Variants in INO80 observed in about 807,000 individuals in gnomAD.
INO80 encodes INO80 complex ATPase subunit.
A neutral mutation model predicts 203.4 loss-of-function variants in INO80; 20 were observed. That is an observed-to-expected ratio of 0.10 (90% confidence interval 0.07 to 0.14). The LOEUF is 0.14. Ranked by LOEUF, INO80 falls within the 10% of genes least tolerant of loss-of-function variation. The pLI is 1.00. For missense variants in INO80, 1,419 were observed against 1,914.4 expected (o/e 0.74, Z 4.83); for synonymous variants, 726 against 685.2 (o/e 1.06, Z -0.93).
At chr15:41,072,139 A>G (rs917899498) in intron 11 of INO80, 81 bp from the exon 12 acceptor site, 6 of 899,256 alleles carry the variant, frequency 6.7e-6, no homozygotes, top group East Asian at 5.3e-5. Context: ...AGATAACAAT[A>G]TATCTACCCT....
rs777353016 is a variant in INO80, at chr15:40,983,029, C to T, written c.4286G>A (p.Arg1429Gln). The change falls in exon 35 of 36, where the codon CGA becomes CAA. Residue 1429 changes from arginine (R) to glutamine (Q), a missense_variant. Transcript: ENST00000648947. ...MPAAGRGHSA[R>Q]SRGRPKGSGS... ...TGAACCTTTGGGGCGGCCTCGGCTT[C>T]GGGCTGAGTGACCACGTCCTGCAGC... 1.4e-5 allele frequency: 23 copies of T among 1,613,708 alleles called. No individual in the cohort carries two copies. The highest frequency in any genetic ancestry group is 1.9e-5 in the Non-Finnish European group (22 of 1,180,008).
At chr15:41,078,916 G>A (rs1316476630) in intron 9 of INO80, among the ~76,000 whole-genome samples, 2 of 152,100 alleles carry the variant, frequency 1.3e-5, no homozygotes, top group Admixed American at 6.6e-5. Context: ...CGAGGCAGGC[G>A]TATCATCTGA....
chr15:40,979,659 TACCATGCTTAGCGGCCTCC>T lies in INO80; in HGVS notation c.*545_*563del, dbSNP rs1436090469. ...CTGTGGATAGACTTCCTCTAGCCTCTACCATGCTTAGCGGCCTCCACCATCTCTCGCAGTCACTGCTCTC... is the reference window on the plus strand; with the variant it reads ...CTGTGGATAGACTTCCTCTAGCCTCTACCATCTCTCGCAGTCACTGCTCTC... On this transcript the variant is annotated 3_prime_UTR_variant, in exon 36 of 36. Coordinates refer to ENST00000648947, the MANE Select transcript of INO80 (RefSeq NM_017553.3). 2.5e-5 allele frequency: 4 copies of T among 160,276 alleles called. No individual in the cohort carries two copies. Among genetic ancestry groups the T allele is most frequent in the African/African-American group, 9.6e-5 (4 of 41,504 alleles). 9.9% of individuals were successfully genotyped at this position (160,276 alleles called of 1,614,324 possible).
intron 24 of INO80, among the ~76,000 whole-genome samples, chr15:41,036,310 A>AGG (rs979232388): frequency 2.0e-5 from 3 of 152,084 alleles, no homozygotes; most frequent in Admixed American, 1.3e-4. Flanking sequence ...CTACTACTAC[A>AGG]GGGGCTAAAA....
At chr15:41,104,048 G>A (rs946684126) in intron 1 of INO80, among the ~76,000 whole-genome samples, 3 of 151,598 alleles carry the variant, frequency 2.0e-5, no homozygotes, top group Admixed American at 6.6e-5. Flanking sequence ...GAGAAACCTC[G>A]TCTCTACTAA....
At chr15:41,016,045 T>C in intron 27 of INO80, 43 bp downstream of exon 27, 1 of 1,539,916 alleles carries the variant, frequency 6.5e-7, no homozygotes. Context: ...TCCTACAAAT[T>C]AAATGTCAAG....
At chr15:41,070,674 A>T in intron 12 of INO80, 127 bp from the exon 13 acceptor site, 1 of 748,874 alleles carries the variant, frequency 1.3e-6, no homozygotes, top group Non-Finnish European at 2.3e-6. Context: ...ACTCAGCCTC[A>T]GCACTTTTAC....
chr15:41,004,412 G>T (rs2044007403), intron 28 of INO80: 2 of 152,210 alleles, frequency 1.3e-5, no homozygotes, highest in South Asian at 4.1e-4. Context: ...ATGGCTATGT[G>T]CTTAATTTTC....
At chr15:41,113,604 C>T (rs1472328744) in intron 1 of INO80, among the ~76,000 whole-genome samples, 1 of 152,076 alleles carries the variant, frequency 6.6e-6, no homozygotes, top group Non-Finnish European at 1.5e-5. Context: ...AACACCACAG[C>T]TTATAATTAG....
chr15:41,099,266 A>AAAC (rs1412468777), intron 1 of INO80, among the ~76,000 whole-genome samples: 1 of 122,026 alleles, frequency 8.2e-6, no homozygotes, highest in Non-Finnish European at 1.7e-5. Flanking sequence ...AAAAAAAAAA[A>AAAC]ACAAACACAC....
chr15:41,043,857 CTTCT>C (rs1310561632), intron 24 of INO80, among the ~76,000 whole-genome samples: 1 of 152,140 alleles, frequency 6.6e-6, no homozygotes, highest in Non-Finnish European at 1.5e-5. Flanking sequence ...CTTCTTTCAC[CTTCT>C]TTGTCACCTA....
At position 41,079,874 on chromosome 15, in the gene INO80, G is replaced by C; in HGVS notation, c.958C>G (p.Arg320Gly). 6.2e-7 allele frequency: 1 copy of C among 1,614,082 alleles called. No individual in the cohort carries two copies. Among genetic ancestry groups the C allele is most frequent in the Non-Finnish European group, 8.5e-7 (1 of 1,180,030 alleles). Reference protein sequence around the residue: ...LAHQCMKEVRRAALQAQKNCK... With the variant: ...LAHQCMKEVRGAALQAQKNCK... The stretch of plus-strand genomic sequence containing the variant: ...TTCTTCTGGGCCTGCAAGGCAGCTC[G>C]ACGCACCTCCTTCATGCACTGGTGA... Residue 320 changes from arginine to glycine, a missense_variant, in exon 9 of 36, where the codon CGA (arginine) becomes GGA (glycine). By Grantham distance (125) the Arg-to-Gly change is moderately radical (BLOSUM62 -2). Transcript: ENST00000648947.
chr15:41,114,263 T>A (rs2045996398), intron 1 of INO80, among the ~76,000 whole-genome samples: 1 of 146,140 alleles, frequency 6.8e-6, no homozygotes, highest in South Asian at 2.1e-4. Context: ...CCAGACTCCG[T>A]CTCAAAAAAC....
chr15:41,095,452 C>T (rs2045708474), intron 4 of INO80, 149 bp downstream of exon 4: 4 of 628,988 alleles, frequency 6.4e-6, no homozygotes, highest in Middle Eastern at 4.3e-4. Context: ...CAGATTTTCT[C>T]AATAATCTCT....
intron 6 of INO80, 32 bp from the exon 7 acceptor site, chr15:41,085,615 T>G: frequency 6.4e-7 from 1 of 1,563,746 alleles, no homozygotes; most frequent in Non-Finnish European, 8.8e-7. Flanking sequence ...CAGGTTGCAC[T>G]TCCACAGGAG....
intron 24 of INO80, among the ~76,000 whole-genome samples, chr15:41,042,887 AAC>A (rs2044693861): frequency 6.6e-6 from 1 of 152,224 alleles, no homozygotes; most frequent in East Asian, 1.9e-4. Context: ...TTGAAAGCAG[AAC>A]AGTGTCTCCA....
At chr15:41,027,778 T>C in intron 24 of INO80, 42 bp from the exon 25 acceptor site, 2 of 1,504,008 alleles carry the variant, frequency 1.3e-6, no homozygotes, top group Non-Finnish European at 1.8e-6. Context: ...TATAATTATG[T>C]TTAATGTAAG....
In INO80 at chr15:41,094,781, C is replaced by A. The variant is rs75289459; in HGVS notation, c.381+820G>T. ...GGTTGAGCATCCCTATTCTAAAAAC[C>A]CAAAATACTCCAAAATCTCAAAGGT... On this transcript the variant is annotated intron_variant, in intron 4 of 35. Coordinates refer to ENST00000648947, the MANE Select transcript of INO80 (RefSeq NM_017553.3). 7.8e-4 allele frequency among the ~76,000 whole-genome samples: 118 copies of A among 152,160 alleles called. No individual in the cohort carries two copies. In the East Asian group the frequency reaches 0.022, roughly 28 times the overall value.
intron 14 of INO80, among the ~76,000 whole-genome samples, chr15:41,068,525 C>T (rs1441385693): frequency 6.6e-6 from 1 of 151,846 alleles, no homozygotes; most frequent in African/African-American, 2.4e-5. Context: ...TGCACCATTA[C>T]ACTCTAGCCT....
Sources: allele counts gnomAD v4.1 joint callset (sites outside exome capture counted in the v4.1 genomes callset), GRCh38; gene constraint gnomAD v4.1.1; transcripts MANE v1.5; gene names NCBI Gene and HGNC (gene_info 2026-07-23, HGNC 2026-07-21).